The following SNX29 variants were observed in gnomAD, a reference collection of about 807,000 sequenced individuals.
SNX29 encodes sorting nexin 29.
SNX29 carries 78 observed loss-of-function variants against 102.1 expected under a neutral mutation model. That is an observed-to-expected ratio of 0.76 (90% confidence interval 0.64 to 0.92). The LOEUF (loss-of-function observed/expected upper bound fraction) is 0.92, where lower values mean the gene tolerates loss of function less well. SNX29 is among the 40% of genes least tolerant of loss of function. The probability of loss-of-function intolerance (pLI) is 0.00; values close to 1 mark genes in which losing one functional copy is unlikely to be tolerated. For synonymous variants in SNX29, 580 were observed against 414.5 expected, an observed-to-expected ratio of 1.40 and a Z score of -4.85; for missense variants, 1,280 against 1,061.7, an observed-to-expected ratio of 1.21 and a Z score of -2.86.
At chr16:12,544,141 C>T (rs779574845) in intron 20 of SNX29, among the ~76,000 whole-genome samples, 1 of 152,212 alleles carries the variant, frequency 6.6e-6, no homozygotes, top group Non-Finnish European at 1.5e-5. Context: ...CCTATATTCA[C>T]CGGCATCATT....
At chr16:12,481,301 C>T (rs1197145443) in intron 19 of SNX29, among the ~76,000 whole-genome samples, 1 of 152,068 alleles carries the variant, frequency 6.6e-6, no homozygotes, top group African/African-American at 2.4e-5. Context: ...CTTGGGGCCA[C>T]AGCTCCATTT....
intron 20 of SNX29, among the ~76,000 whole-genome samples, chr16:12,545,321 C>T (rs1451278843): frequency 6.7e-6 from 1 of 149,128 alleles, no homozygotes; most frequent in Non-Finnish European, 1.5e-5. Flanking sequence ...TCGCATCCAC[C>T]AGAGAAAGGG....
chr16:12,549,258 G>A (rs552090319), intron 20 of SNX29, among the ~76,000 whole-genome samples: 4 of 152,308 alleles, frequency 2.6e-5, no homozygotes, highest in South Asian at 2.1e-4. Context: ...CACTTTGGGA[G>A]GCTGAGGTGG....
chr16:12,566,755 C>G lies in SNX29; in HGVS notation c.2319-1751C>G, dbSNP rs554606706. 2.6e-5 allele frequency among the ~76,000 whole-genome samples: 4 copies of G among 152,276 alleles called. No individual in the cohort carries two copies. In the East Asian group the frequency reaches 7.7e-4, roughly 29 times the overall value. ...TTGCTTTGGGCCTGCAGCCAGACAC[C>G]CACCTAAAGGAGGAAAGCACAGCAC... On this transcript the variant is annotated intron_variant, in intron 20 of 20. Transcript: ENST00000566228.
chr16:12,028,279 C>A (rs2057247074), intron 4 of SNX29, among the ~76,000 whole-genome samples: 1 of 152,228 alleles, frequency 6.6e-6, no homozygotes, highest in Non-Finnish European at 1.5e-5. Context: ...TCTCTGCTAA[C>A]ATAATCCTTA....
intron 13 of SNX29, among the ~76,000 whole-genome samples, chr16:12,177,681 T>G (rs959693455): frequency 6.6e-6 from 1 of 152,232 alleles, no homozygotes; most frequent in African/African-American, 2.4e-5. Context: ...ATTCAGTGGT[T>G]TTTTATATAT....
chr16:12,068,448 C>T (rs944120462), intron 9 of SNX29, among the ~76,000 whole-genome samples: 1 of 150,166 alleles, frequency 6.7e-6, no homozygotes, highest in Non-Finnish European at 1.5e-5. Context: ...TGATCACACA[C>T]CACCACTGCA....
chr16:12,303,572 G>A (rs568348297), intron 15 of SNX29, among the ~76,000 whole-genome samples: 14 of 152,302 alleles, frequency 9.2e-5, no homozygotes, highest in South Asian at 4.1e-4. Context: ...GAAGCTATAC[G>A]GAAAGGCAAG....
rs183098312 is a variant in SNX29, at chr16:12,100,561, A to G, written c.1402+21646A>G. 2.7e-3 allele frequency among the ~76,000 whole-genome samples: 412 copies of G among 152,272 alleles called. 1 individual carries two copies. Among genetic ancestry groups the G allele is most frequent in the African/African-American group, 9.4e-3 (391 of 41,540 alleles). On this transcript the variant is annotated intron_variant, in intron 11 of 20. Coordinates refer to ENST00000566228, the MANE Select transcript of SNX29 (RefSeq NM_032167.5). ...GCTGTGTCCAGATCGGGCTGTCTGC[A>G]GAGGCCTGTCTGACAAGGTGACTTT...
At chr16:12,364,161 TTGTTATGTTATGTTATGTTATGTTA>T (rs56227162) in intron 16 of SNX29, among the ~76,000 whole-genome samples, 6 of 138,384 alleles carry the variant, frequency 4.3e-5, no homozygotes, top group Admixed American at 7.4e-5. Context: ...CCTGGCTTGT[TTGTTATGTTATGTTATGTTATGTTA>T]TGTTATGTTA....
chr16:12,428,193 A>G (rs1423486910), intron 18 of SNX29, among the ~76,000 whole-genome samples: 1 of 152,198 alleles, frequency 6.6e-6, no homozygotes, highest in Non-Finnish European at 1.5e-5. Flanking sequence ...CTCTTTCCCT[A>G]AACAAGTAAT....
chr16:12,228,014 G>A (rs578170673), intron 14 of SNX29, among the ~76,000 whole-genome samples: 5 of 148,422 alleles, frequency 3.4e-5, no homozygotes, highest in Non-Finnish European at 6.0e-5. Flanking sequence ...GCTGGCCCAC[G>A]CCTGTAATCT....
At chr16:12,419,695 G>A (rs1011316753) in intron 18 of SNX29, among the ~76,000 whole-genome samples, 1 of 152,100 alleles carries the variant, frequency 6.6e-6, no homozygotes, top group Admixed American at 6.6e-5. Context: ...CTGCCCCCAG[G>A]GGAAAGGCCC....
At position 12,569,510 on chromosome 16, in the gene SNX29, G is replaced by C. The variant is rs978787818; in HGVS notation, c.*881G>C. ...AGAAGGTTCCAGGGTTTTCAAACCAGGCTCCATGACTATGAAGTTGGACCC... is the reference window on the plus strand; with the variant it reads ...AGAAGGTTCCAGGGTTTTCAAACCACGCTCCATGACTATGAAGTTGGACCC... On this transcript the variant is annotated 3_prime_UTR_variant, in exon 21 of 21. Transcript: ENST00000566228. The C allele has an allele frequency of 8.6e-6, 2 of 231,728 alleles. No individual in the cohort carries two copies. Among genetic ancestry groups the C allele is most frequent in the Non-Finnish European group, 1.7e-5 (2 of 117,168 alleles). 14.4% of individuals were successfully genotyped at this position (231,728 alleles called of 1,614,324 possible). A position where few individuals can be genotyped will look rare whatever the true frequency, so the allele number is the denominator to read the frequency against.
At chr16:12,548,081 A>G (rs1193478427) in intron 20 of SNX29, among the ~76,000 whole-genome samples, 1 of 152,174 alleles carries the variant, frequency 6.6e-6, no homozygotes, top group African/African-American at 2.4e-5. Context: ...CATGACATAA[A>G]AAGATGTTGC....
intron 19 of SNX29, among the ~76,000 whole-genome samples, chr16:12,509,816 C>T (rs934123915): frequency 2.6e-5 from 4 of 152,312 alleles, no homozygotes; most frequent in African/African-American, 7.2e-5. Context: ...GAGTGAATGC[C>T]GTTCCCAGCT....
chr16:12,514,312 C>G (rs911173668), intron 19 of SNX29, among the ~76,000 whole-genome samples: 1 of 152,258 alleles, frequency 6.6e-6, no homozygotes, highest in East Asian at 1.9e-4. Flanking sequence ...TAGGGCTGCC[C>G]TAGCTCCCCC....
intron 16 of SNX29, among the ~76,000 whole-genome samples, chr16:12,370,223 G>GAAACA (rs1044824191): frequency 6.6e-6 from 1 of 151,894 alleles, no homozygotes; most frequent in African/African-American, 2.4e-5. Flanking sequence ...CTCCATCTCA[G>GAAACA]AAACAAAACA....
At chr16:12,190,618 C>G (rs541707702) in intron 13 of SNX29, among the ~76,000 whole-genome samples, 1 of 152,268 alleles carries the variant, frequency 6.6e-6, no homozygotes, top group African/African-American at 2.4e-5. Flanking sequence ...TCAGATCAAC[C>G]TTAGCAAAGA....
Sources: gnomAD v4.1 joint callset for allele counts (sites outside exome capture counted in the v4.1 genomes callset) on GRCh38, gnomAD v4.1.1 for gene constraint, MANE v1.5 for transcripts, NCBI Gene and HGNC (gene_info 2026-07-23, HGNC 2026-07-21) for gene names.